The following RANBP2 variants were observed in gnomAD, a reference collection of about 807,000 sequenced individuals.
The protein encoded by RANBP2 is E3 SUMO-protein ligase RanBP2.
Under a neutral mutation model 303.6 loss-of-function variants are expected in RANBP2, and 57 were observed. The observed-to-expected ratio is 0.19, with a 90% CI of 0.15 to 0.23. The LOEUF (loss-of-function observed/expected upper bound fraction) is 0.23. Ranked by LOEUF, RANBP2 falls within the 10% of genes least tolerant of loss-of-function variation. The probability of loss-of-function intolerance (pLI) is 1.00; values close to 1 mark genes in which losing one functional copy is unlikely to be tolerated. For missense variants in RANBP2, 3,138 were observed against 3,780.8 expected (o/e 0.83, Z 4.46); for synonymous variants, 1,167 against 1,301.5 (o/e 0.90, Z 2.23).
At chr2:109,425,065 A>C in the RANBP2 span, among the ~76,000 whole-genome samples, 2,303 of 152,362 alleles carry the variant, frequency 0.015, 62 homozygotes, top group African/African-American at 0.053. Context: ...GAAACAGCCT[A>C]ATTGCTGATA....
the RANBP2 span, among the ~76,000 whole-genome samples, chr2:109,622,244 T>C: frequency 6.6e-6 from 1 of 152,218 alleles, no homozygotes; most frequent in Non-Finnish European, 1.5e-5. Context: ...GTCACAAAGC[T>C]AGTTCTTAGC....
chr2:109,276,962 G>A, the RANBP2 span, among the ~76,000 whole-genome samples: 469 of 152,244 alleles, frequency 3.1e-3, 1 homozygote, highest in African/African-American at 0.01. Context: ...TGAGCTGGGG[G>A]ACTCGGCTTC....
chr2:108,752,915 C>G, intron 12 of RANBP2, 83 bp from the exon 13 acceptor site: 2 of 1,606,694 alleles, frequency 1.2e-6, no homozygotes, highest in Non-Finnish European at 8.5e-7. Context: ...GAAATTTTAG[C>G]CAGTTCTTTC....
the RANBP2 span, among the ~76,000 whole-genome samples, chr2:109,572,134 T>G: frequency 6.6e-6 from 1 of 151,784 alleles, no homozygotes; most frequent in Non-Finnish European, 1.5e-5. Context: ...CCCCACCTCT[T>G]TTTTTTTGTT....
At chr2:108,923,650 A>G in the RANBP2 span, among the ~76,000 whole-genome samples, 13 of 152,316 alleles carry the variant, frequency 8.5e-5, no homozygotes, top group Middle Eastern at 0.017. Context: ...CATTCTTTTA[A>G]CAATATTGAG....
the RANBP2 span, among the ~76,000 whole-genome samples, chr2:109,536,133 A>T: frequency 6.6e-6 from 1 of 152,008 alleles, no homozygotes; most frequent in Non-Finnish European, 1.5e-5. Flanking sequence ...CAGAGTCCCT[A>T]CTGGGGCACT....
chr2:109,113,074 T>C, the RANBP2 span, among the ~76,000 whole-genome samples: 1 of 152,208 alleles, frequency 6.6e-6, no homozygotes, highest in Non-Finnish European at 1.5e-5. Context: ...GTGTGATGCC[T>C]CCAGCTTTGT....
At chr2:109,508,153 C>A in the RANBP2 span, among the ~76,000 whole-genome samples, 2 of 152,124 alleles carry the variant, frequency 1.3e-5, no homozygotes, top group Admixed American at 6.5e-5. Flanking sequence ...CCCATCCCTG[C>A]AAAAATAGGC....
At chr2:109,257,278 G>A in the RANBP2 span, among the ~76,000 whole-genome samples, 2 of 152,052 alleles carry the variant, frequency 1.3e-5, no homozygotes, top group Admixed American at 1.3e-4. Flanking sequence ...TACAAAGTCA[G>A]CTGTTTCTGC....
chr2:108,861,972 A>G, the RANBP2 span, among the ~76,000 whole-genome samples: 1 of 151,946 alleles, frequency 6.6e-6, no homozygotes, highest in Admixed American at 6.6e-5. Flanking sequence ...ATTCGGGAGT[A>G]AATTCTTTAG....
At chr2:108,861,009 G>A in the RANBP2 span, among the ~76,000 whole-genome samples, 1 of 125,446 alleles carries the variant, frequency 8.0e-6, no homozygotes, top group African/African-American at 3.0e-5. Context: ...GCTCAATACT[G>A]GTCTGTTCAG....
At chr2:109,186,580 T>C in the RANBP2 span, among the ~76,000 whole-genome samples, 4 of 152,170 alleles carry the variant, frequency 2.6e-5, no homozygotes, top group African/African-American at 9.7e-5. Flanking sequence ...AGCAAACAAA[T>C]AACCTCCTGC....
chr2:108,749,090 C>G lies in RANBP2; in HGVS notation c.1234C>G (p.Arg412Gly), dbSNP rs757639418. The change falls in exon 9 of 29, where the codon CGA becomes GGA. Residue 412 changes from arginine (R) to glycine (G), a missense_variant. By Grantham distance (125) the Arg-to-Gly change is moderately radical. Around this residue, in one of 20 missense-constraint regions of RANBP2, gnomAD observed 95 missense variants for 86.4 expected, o/e 1.10. Transcript: ENST00000283195. Reference protein sequence around the residue: ...GSDDIGNIDVREPELEDLTRY... With the variant: ...GSDDIGNIDVGEPELEDLTRY... ...CGATGATATTGGAAACATTGATGTA[C>G]GAGAACCAGAGCTTGAAGATTTGAC... The G allele has an allele frequency of 4.3e-6, 7 of 1,611,826 alleles. No homozygotes were observed. Among genetic ancestry groups the G allele is most frequent in the Admixed American group, 1.7e-5 (1 of 60,004 alleles).
At chr2:108,996,987 C>T in the RANBP2 span, among the ~76,000 whole-genome samples, 1 of 152,184 alleles carries the variant, frequency 6.6e-6, no homozygotes, top group Non-Finnish European at 1.5e-5. Flanking sequence ...ACTCACATGC[C>T]TCCAGGCTGA....
At chr2:108,930,992 G>T in the RANBP2 span, 3 of 1,613,852 alleles carry the variant, frequency 1.9e-6, no homozygotes, top group African/African-American at 1.3e-5. Context: ...GGGCGTCTGC[G>T]TGCAGTCCCC....
At chr2:109,032,249 T>A in the RANBP2 span, among the ~76,000 whole-genome samples, 1 of 152,206 alleles carries the variant, frequency 6.6e-6, no homozygotes. Flanking sequence ...ATCTTGTTGA[T>A]TTTATTTCAG....
chr2:108,929,003 G>A, the RANBP2 span, among the ~76,000 whole-genome samples: 3,424 of 152,352 alleles, frequency 0.022, 72 homozygotes, highest in Middle Eastern at 0.048. Flanking sequence ...GAGCCTGATG[G>A]GCTGCCTGTC....
the RANBP2 span, among the ~76,000 whole-genome samples, chr2:109,181,482 AAC>A: frequency 3.6e-4 from 55 of 151,636 alleles, no homozygotes; most frequent in Admixed American, 1.1e-3. Context: ...CCACTGGTGT[AAC>A]ACACACACAC....
the RANBP2 span, among the ~76,000 whole-genome samples, chr2:109,600,984 T>C: frequency 6.6e-6 from 1 of 152,128 alleles, no homozygotes; most frequent in African/African-American, 2.4e-5. Context: ...GGGGCTTCTG[T>C]CCCCATGGAG....
Sources: gnomAD v4.1 joint callset for allele counts (sites outside exome capture counted in the v4.1 genomes callset) on GRCh38, gnomAD v4.1.1 for gene constraint, gnomAD v4.1.1 regional missense constraint, MANE v1.5 for transcripts, NCBI Gene and HGNC (gene_info 2026-07-23, HGNC 2026-07-21) for gene names.